Variants in NELL1 observed in about 807,000 individuals in gnomAD.
NELL1 encodes the protein neural EGFL like 1, also known as protein kinase C-binding protein NELL1.
NELL1 carries 76 observed loss-of-function variants against 107.4 expected under a neutral mutation model. The ratio of observed to expected loss-of-function variants is 0.71; its 90% CI spans 0.59 to 0.86. The LOEUF is 0.86. Among genes scored for constraint, NELL1 ranks in the 40% least tolerant of loss-of-function variants. The pLI, the probability that NELL1 is intolerant of heterozygous loss-of-function variation, is 0.00. For synonymous variants in NELL1, 353 were observed against 341.2 expected (o/e 1.03, Z -0.38); for missense variants, 1,024 against 1,005.5 (o/e 1.02, Z -0.25).
chr11:21,122,198 T>C (rs1855383763), intron 13 of NELL1, among the ~76,000 whole-genome samples: 1 of 152,320 alleles, frequency 6.6e-6, no homozygotes, highest in African/African-American at 2.4e-5. Flanking sequence ...AAGTACTGTG[T>C]TGCCCTTGAC....
intron 12 of NELL1, among the ~76,000 whole-genome samples, chr11:20,981,052 A>G (rs1358444469): frequency 6.6e-6 from 1 of 152,212 alleles, no homozygotes; most frequent in Non-Finnish European, 1.5e-5. Context: ...GTCATATAAC[A>G]TGAGTTAAAT....
At chr11:20,884,731 G>A (rs1178579870) in intron 4 of NELL1, among the ~76,000 whole-genome samples, 2 of 152,182 alleles carry the variant, frequency 1.3e-5, no homozygotes, top group African/African-American at 4.8e-5. Context: ...TGGATCAGAT[G>A]AGGATTTTCT....
At chr11:21,115,997 A>G (rs1855226922) in intron 13 of NELL1, among the ~76,000 whole-genome samples, 1 of 151,788 alleles carries the variant, frequency 6.6e-6, no homozygotes, top group African/African-American at 2.4e-5. Context: ...TCCTCACAAC[A>G]AAACTTCTTA....
At chr11:21,064,958 A>T (rs538574585) in intron 12 of NELL1, among the ~76,000 whole-genome samples, 1 of 152,318 alleles carries the variant, frequency 6.6e-6, no homozygotes, top group East Asian at 1.9e-4. Context: ...TTGATTTCAG[A>T]TGTAAACATA....
intron 2 of NELL1, among the ~76,000 whole-genome samples, chr11:20,761,458 G>A (rs1005348277): frequency 3.9e-5 from 6 of 152,176 alleles, no homozygotes; most frequent in Admixed American, 2.0e-4. Flanking sequence ...TACAACATAC[G>A]CTTCAAGCTT....
Position 21,370,945 on chromosome 11 carries a change from A to C in NELL1, c.1642A>C (p.Lys548Gln), listed in dbSNP as rs1309749748. The C allele has an allele frequency of 6.2e-7, 1 of 1,609,596 alleles. No individual in the cohort carries two copies. Among genetic ancestry groups the C allele is most frequent in the African/African-American group, 1.3e-5 (1 of 74,872 alleles). The part of the protein sequence containing the change: ...PSGFTGSHCE[K>Q]DIDECSEGII... ...TGGATTCACAGGAAGCCACTGCGAG[A>C]AAGGTAATCTAGCTTGTTTTATGGG... Residue 548 changes from lysine to glutamine, a missense_variant, in exon 15 of 20, where the codon AAA becomes CAA. Physicochemically the swap from Lys to Gln is moderately conservative, Grantham distance 53. Coordinates refer to ENST00000357134, the MANE Select transcript of NELL1 (RefSeq NM_006157.5).
chr11:21,494,828 AAAC>A (rs1854934753), intron 15 of NELL1, among the ~76,000 whole-genome samples: 1 of 152,076 alleles, frequency 6.6e-6, no homozygotes, highest in Non-Finnish European at 1.5e-5. Flanking sequence ...TCATTGAAAA[AAAC>A]AAGTCAAAAA....
chr11:21,237,436 T>C (rs1027754526), intron 14 of NELL1, among the ~76,000 whole-genome samples: 2 of 152,092 alleles, frequency 1.3e-5, no homozygotes, highest in African/African-American at 2.4e-5. Context: ...TCCACAAAAC[T>C]GAATGAGTCT....
intron 13 of NELL1, among the ~76,000 whole-genome samples, chr11:21,193,032 C>A (rs1857079484): frequency 6.6e-6 from 1 of 151,848 alleles, no homozygotes; most frequent in Non-Finnish European, 1.5e-5. Flanking sequence ...GTTAAAATGA[C>A]TGTGACTCTA....
At chr11:21,107,120 C>G (rs1854988165) in intron 12 of NELL1, among the ~76,000 whole-genome samples, 1 of 152,158 alleles carries the variant, frequency 6.6e-6, no homozygotes, top group Non-Finnish European at 1.5e-5. Flanking sequence ...ACATTTGTTA[C>G]AATTGATGGA....
At chr11:20,818,255 G>T (rs1246347624) in intron 3 of NELL1, among the ~76,000 whole-genome samples, 1 of 152,086 alleles carries the variant, frequency 6.6e-6, no homozygotes, top group Non-Finnish European at 1.5e-5. Context: ...TTGTGAATCT[G>T]GGTGCTCCAT....
chr11:21,395,289 C>T (rs755282794), intron 15 of NELL1, among the ~76,000 whole-genome samples: 7 of 151,372 alleles, frequency 4.6e-5, no homozygotes, highest in Non-Finnish European at 8.9e-5. Context: ...TCAAGCTTCT[C>T]CAAATGAGAT....
rs1554995055 is a variant in NELL1 at position 21,290,398 on chromosome 11, G to GATAAATAGATAA, written c.1549+60951_1549+60952insGATAAATAAATA. On this transcript the variant is annotated intron_variant, in intron 14 of 19. Coordinates refer to ENST00000357134, the MANE Select transcript of NELL1 (RefSeq NM_006157.5). The stretch of plus-strand genomic sequence containing the variant: ...AATAAATAAATAAATAAAATAAATA[G>GATAAATAGATAA]ATAAATAAATAAATAAATAAATAAA... Among the ~76,000 whole-genome samples, 788 of 146,436 alleles carry GATAAATAGATAA rather than the reference G, an allele frequency of 5.4e-3. 4 individuals carry two copies. Among genetic ancestry groups the GATAAATAGATAA allele is most frequent in the African/African-American group, 0.019 (741 of 39,244 alleles).
chr11:21,473,549 C>T (rs888355891), intron 15 of NELL1, among the ~76,000 whole-genome samples: 3 of 152,036 alleles, frequency 2.0e-5, no homozygotes, highest in Non-Finnish European at 2.9e-5. Context: ...ATGATGAGGG[C>T]ACCTGTTTTT....
chr11:20,964,436 T>A (rs1339931288), intron 12 of NELL1, among the ~76,000 whole-genome samples: 2 of 152,210 alleles, frequency 1.3e-5, no homozygotes, highest in Non-Finnish European at 2.9e-5. Flanking sequence ...TGATAATACC[T>A]TTTACTTGCA....
intron 1 of NELL1, chr11:20,671,232 T>C (rs1853900728): frequency 6.6e-6 from 1 of 152,270 alleles, no homozygotes; most frequent in African/African-American, 2.4e-5. Flanking sequence ...GTTAGTCTTT[T>C]AAAACCAGGA....
At chr11:21,179,688 C>T (rs1856786132) in intron 13 of NELL1, among the ~76,000 whole-genome samples, 1 of 151,724 alleles carries the variant, frequency 6.6e-6, no homozygotes, top group African/African-American at 2.4e-5. Flanking sequence ...CTAGACACCA[C>T]GTGACAATAC....
At chr11:21,078,425 A>G (rs962342500) in intron 12 of NELL1, among the ~76,000 whole-genome samples, 8 of 152,174 alleles carry the variant, frequency 5.3e-5, no homozygotes, top group Admixed American at 1.3e-4. Context: ...ATAGAAGAGA[A>G]TTAAAATAAT....
chr11:21,169,043 A>G (rs1856546538), intron 13 of NELL1, among the ~76,000 whole-genome samples: 1 of 151,956 alleles, frequency 6.6e-6, no homozygotes, highest in South Asian at 2.1e-4. Context: ...CTACTATTGC[A>G]TAATTCTTAT....
Sources: allele counts gnomAD v4.1 joint callset (sites outside exome capture counted in the v4.1 genomes callset), GRCh38; gene constraint gnomAD v4.1.1; transcripts MANE v1.5; gene names NCBI Gene and HGNC (gene_info 2026-07-23, HGNC 2026-07-21).